UMAD1: variants seen among roughly 807,000 people sequenced by gnomAD.
UMAD1 encodes UBAP1-MVB12-associated (UMA)-domain containing protein 1.
UMAD1 carries 8 observed loss-of-function variants against 6.1 expected under a neutral mutation model. The ratio of observed to expected loss-of-function variants is 1.30; its 90% CI spans 0.76 to 2.35. The LOEUF is 2.35. Ranked by LOEUF, UMAD1 falls within the 30% of genes most tolerant of loss-of-function variation. The pLI, the probability that UMAD1 is intolerant of heterozygous loss-of-function variation, is 0.00. For missense variants in UMAD1, 130 were observed against 78.4 expected, an observed-to-expected ratio of 1.66 and a Z score of -2.49; for synonymous variants, 56 against 31.4, an observed-to-expected ratio of 1.78 and a Z score of -2.61.
chr7:7,846,887 C>T, intron 3 of UMAD1, among the ~76,000 whole-genome samples: 1 of 110,644 alleles, frequency 9.0e-6, no homozygotes, highest in Middle Eastern at 5.3e-3. Flanking sequence ...AGGGGAATAT[C>T]ACACTCTGGG....
intron 2 of UMAD1, among the ~76,000 whole-genome samples, chr7:7,792,909 C>G (rs1782596813): frequency 6.6e-6 from 1 of 152,130 alleles, no homozygotes; most frequent in Non-Finnish European, 1.5e-5. Flanking sequence ...TCTCTTCAAC[C>G]CCTTCTAAGG....
At chr7:7,815,359 T>C (rs1396657347) in intron 3 of UMAD1, among the ~76,000 whole-genome samples, 1 of 152,124 alleles carries the variant, frequency 6.6e-6, no homozygotes, top group African/African-American at 2.4e-5. Flanking sequence ...TCTTTTTAGA[T>C]TGGAAGGAAA....
At chr7:7,856,524 G>A (rs1226135032) in intron 3 of UMAD1, among the ~76,000 whole-genome samples, 1 of 152,164 alleles carries the variant, frequency 6.6e-6, no homozygotes, top group African/African-American at 2.4e-5. Context: ...GCAACATATG[G>A]GGATTGTGGA....
intron 3 of UMAD1, among the ~76,000 whole-genome samples, chr7:7,822,192 G>C (rs942682138): frequency 6.6e-6 from 1 of 151,976 alleles, no homozygotes; most frequent in Non-Finnish European, 1.5e-5. Flanking sequence ...TGTATTGTTT[G>C]ACAAAAACTT....
At chr7:7,817,647 T>G (rs781115973) in intron 3 of UMAD1, among the ~76,000 whole-genome samples, 26 of 152,220 alleles carry the variant, frequency 1.7e-4, no homozygotes, top group Non-Finnish European at 2.5e-4. Flanking sequence ...CTTGTCCAAT[T>G]TAACCTGCCA....
At chr7:7,694,399 A>C (rs1389701829) in intron 2 of UMAD1, among the ~76,000 whole-genome samples, 1 of 152,088 alleles carries the variant, frequency 6.6e-6, no homozygotes, top group African/African-American at 2.4e-5. Flanking sequence ...GTACCCCCTC[A>C]GTTATTCTAA....
intron 2 of UMAD1, among the ~76,000 whole-genome samples, chr7:7,697,654 C>A (rs1780353633): frequency 6.6e-6 from 1 of 152,148 alleles, no homozygotes; most frequent in African/African-American, 2.4e-5. Flanking sequence ...TTATCACATT[C>A]ATGTGACATT....
rs75444047 is a variant in UMAD1 at position 7,823,852 on chromosome 7, G to A, written c.156+22109G>A. On this transcript the variant is annotated intron_variant, in intron 3 of 3. Transcript: ENST00000682710. ...TAATATTGATTCGTAAAGCTAAGAA[G>A]ACACCTACAGCAAAAAGCTTCAGCT... 8.4e-3 allele frequency among the ~76,000 whole-genome samples: 1,284 copies of A among 152,138 alleles called. 17 individuals are homozygous for A. The highest frequency in any genetic ancestry group is 0.029 in the African/African-American group (1,201 of 41,508).
At chr7:7,808,924 T>G (rs937064314) in intron 3 of UMAD1, among the ~76,000 whole-genome samples, 3 of 151,944 alleles carry the variant, frequency 2.0e-5, no homozygotes, top group African/African-American at 7.2e-5. Context: ...CTGGTGGTAT[T>G]GAGATACTCC....
intron 2 of UMAD1, among the ~76,000 whole-genome samples, chr7:7,719,382 A>T (rs1388636014): frequency 6.6e-6 from 1 of 152,222 alleles, no homozygotes; most frequent in Non-Finnish European, 1.5e-5. Context: ...CTGAATTTGA[A>T]ACCAGCTGCA....
At chr7:7,641,245 G>A (rs1276788689) in intron 1 of UMAD1, 1 of 152,222 alleles carries the variant, frequency 6.6e-6, no homozygotes, top group African/African-American at 2.4e-5. Context: ...CACTGCGGAG[G>A]CGCCGGTTCT....
intron 2 of UMAD1, among the ~76,000 whole-genome samples, chr7:7,719,407 C>G (rs1184890026): frequency 1.3e-5 from 2 of 152,236 alleles, no homozygotes; most frequent in African/African-American, 4.8e-5. Flanking sequence ...GGTGACTAAT[C>G]TCTCTGGCAA....
At chr7:7,724,275 T>C (rs1261007522) in intron 2 of UMAD1, among the ~76,000 whole-genome samples, 1 of 152,136 alleles carries the variant, frequency 6.6e-6, no homozygotes, top group African/African-American at 2.4e-5. Flanking sequence ...CCAGTTAAAA[T>C]AGGGCCTTAT....
chr7:7,700,739 T>C (rs182908392), intron 2 of UMAD1, among the ~76,000 whole-genome samples: 1 of 152,188 alleles, frequency 6.6e-6, no homozygotes, highest in African/African-American at 2.4e-5. Context: ...AATATAAAAA[T>C]TAGCCAGGCA....
intron 3 of UMAD1, among the ~76,000 whole-genome samples, chr7:7,846,519 A>G (rs911382420): frequency 1.3e-5 from 2 of 152,178 alleles, no homozygotes; most frequent in African/African-American, 2.4e-5. Context: ...CATGTATAAA[A>G]TAAATGTAAA....
chr7:7,647,938 C>G (rs1374944899), intron 1 of UMAD1, among the ~76,000 whole-genome samples: 4 of 152,118 alleles, frequency 2.6e-5, no homozygotes, highest in African/African-American at 9.7e-5. Context: ...TTGTTTGCTA[C>G]TATTATAGAC....
intron 2 of UMAD1, among the ~76,000 whole-genome samples, chr7:7,743,959 T>C (rs1781521202): frequency 6.6e-6 from 1 of 152,112 alleles, no homozygotes; most frequent in South Asian, 2.1e-4. Flanking sequence ...ACGTAAAGTG[T>C]ACGATTCAAT....
intron 3 of UMAD1, among the ~76,000 whole-genome samples, chr7:7,844,225 A>G (rs1583867080): frequency 6.6e-6 from 1 of 152,284 alleles, no homozygotes; most frequent in East Asian, 1.9e-4. Context: ...ATTATTGCAG[A>G]ACCTTAATCT....
intron 3 of UMAD1, among the ~76,000 whole-genome samples, chr7:7,844,365 A>C (rs1309934722): frequency 6.6e-6 from 1 of 152,116 alleles, no homozygotes. Flanking sequence ...GGTGGAGCTA[A>C]ATGTTTAAAT....
Sources: allele counts gnomAD v4.1 joint callset (sites outside exome capture counted in the v4.1 genomes callset), GRCh38; gene constraint gnomAD v4.1.1; transcripts MANE v1.5; gene names NCBI Gene and HGNC (gene_info 2026-07-23, HGNC 2026-07-21).